The following NPL variants were observed in gnomAD, a reference collection of about 807,000 sequenced individuals.
NPL encodes the protein N-acetylneuraminate pyruvate lyase, also known as N-acetylneuraminate lyase.
Under a neutral mutation model 41.1 loss-of-function variants are expected in NPL, and 32 were observed. The observed-to-expected ratio is 0.78, with a 90% CI of 0.59 to 1.05. NPL has a LOEUF of 1.05. Ranked by LOEUF, NPL falls within the 50% of genes least tolerant of loss-of-function variation. The probability of loss-of-function intolerance (pLI) is 0.00; values close to 1 mark genes in which losing one functional copy is unlikely to be tolerated. For synonymous variants in NPL, 128 were observed against 134.9 expected (o/e 0.95, Z 0.35); for missense variants, 321 against 378.4 (o/e 0.85, Z 1.26).
At chr1:182,818,401 G>A in intron 8 of NPL, 140 bp from the exon 9 acceptor site, 1 of 1,008,624 alleles carries the variant, frequency 9.9e-7, no homozygotes. Context: ...CTGCTAGTCA[G>A]GGACCAGTGA....
At chr1:182,827,925 T>C (rs1557955555) in intron 12 of NPL, among the ~76,000 whole-genome samples, 1 of 152,226 alleles carries the variant, frequency 6.6e-6, no homozygotes, top group East Asian at 1.9e-4. Flanking sequence ...TAGGACACTG[T>C]AGTTCCACCA....
At chr1:182,813,944 T>C (rs1423440530) in intron 6 of NPL, among the ~76,000 whole-genome samples, 3 of 152,248 alleles carry the variant, frequency 2.0e-5, no homozygotes, top group Non-Finnish European at 4.4e-5. Flanking sequence ...ATCCCAGTCT[T>C]CTCCTTTTAA....
chr1:182,828,588 T>C lies in NPL; in HGVS notation c.779-136T>C, dbSNP rs1667690104. On this transcript the variant is annotated intron_variant, in intron 12 of 12. Transcript: ENST00000367553. This position sits in a 1 kb window ranked among gnomAD's most constrained non-coding sequence, Gnocchi z 4.0. ...ATGATTGCTCATCTGTCATATTGAC[T>C]AGAAATGTTCCCATCTTTTGTTTTA... 9.1e-7 allele frequency: 1 copy of C among 1,098,668 alleles called. No individual in the cohort carries two copies. Among genetic ancestry groups the C allele is most frequent in the Admixed American group, 2.0e-5 (1 of 48,980 alleles). 68.1% of individuals were successfully genotyped at this position (1,098,668 alleles called of 1,614,324 possible).
At chr1:182,801,774 T>A (rs186863670) in intron 3 of NPL, among the ~76,000 whole-genome samples, 12 of 152,162 alleles carry the variant, frequency 7.9e-5, no homozygotes, top group Non-Finnish European at 1.8e-4. Context: ...AGGTCAAGGC[T>A]TGCAGTGAGC....
intron 10 of NPL, among the ~76,000 whole-genome samples, chr1:182,820,168 A>G (rs1421247187): frequency 1.3e-5 from 2 of 152,244 alleles, no homozygotes; most frequent in Non-Finnish European, 2.9e-5. Context: ...GCAAGTGTCC[A>G]TGTCAGGTCC....
At chr1:182,799,084 G>A (rs1666759233) in intron 3 of NPL, among the ~76,000 whole-genome samples, 1 of 152,184 alleles carries the variant, frequency 6.6e-6, no homozygotes, top group East Asian at 1.9e-4. Context: ...CGTGCACCAG[G>A]AGAGGAAACA....
intron 3 of NPL, among the ~76,000 whole-genome samples, chr1:182,796,665 G>C (rs575958493): frequency 1.1e-4 from 17 of 152,284 alleles, no homozygotes; most frequent in Middle Eastern, 3.4e-3. Flanking sequence ...GTAGATCTTA[G>C]TGAAATGATG....
chr1:182,800,593 G>A (rs1266207995), intron 3 of NPL, among the ~76,000 whole-genome samples: 1 of 152,018 alleles, frequency 6.6e-6, no homozygotes, highest in Non-Finnish European at 1.5e-5. Flanking sequence ...CCCAGCCCAA[G>A]GCTGCAAACT....
intron 11 of NPL, among the ~76,000 whole-genome samples, chr1:182,825,036 C>T (rs537471459): frequency 9.9e-5 from 15 of 152,278 alleles, no homozygotes; most frequent in African/African-American, 3.6e-4. Context: ...TTTTTTGAGT[C>T]ATATGCCAAA....
At position 182,829,416 on chromosome 1, in the gene NPL, C is replaced by T; in HGVS notation, c.*508C>T. ...CAAAATACACCAGCTCATTTGGCTG[C>T]TCAGTCTAACTCTAGAATGGATGCT... On this transcript the variant is annotated 3_prime_UTR_variant, in exon 13 of 13. Coordinates refer to ENST00000367553, the MANE Select transcript of NPL (RefSeq NM_030769.3). 1.4e-6 allele frequency: 2 copies of T among 1,395,098 alleles called. No individual in the cohort carries two copies. Among genetic ancestry groups the T allele is most frequent in the Non-Finnish European group, 1.9e-6 (2 of 1,072,328 alleles). The allele number at this position is 1,395,098 out of a possible 1,614,324, so 86.4% of individuals were successfully genotyped here.
intron 7 of NPL, among the ~76,000 whole-genome samples, chr1:182,815,316 T>G (rs1331825945): frequency 2.6e-5 from 4 of 152,220 alleles, no homozygotes; most frequent in Admixed American, 2.6e-4. Flanking sequence ...AAGTATTGCT[T>G]TCTCTTTCTC....
Position 182,816,777 on chromosome 1 carries a change from A to G in NPL, c.428A>G (p.Tyr143Cys). ...AAAPALPFYY[Y>C]HIPALTGVKI... ...GCCCCTGCCCTGCCATTTTATTACT[A>G]TCACATTCCTGCCTTGACAGGGGTA... Residue 143 changes from tyrosine to cysteine, a missense_variant, in exon 8 of 13, where the codon TAT (tyrosine) becomes TGT (cysteine). Physicochemically the swap from Tyr to Cys is radical, Grantham distance 194. Transcript: ENST00000367553. 6.2e-7 allele frequency: 1 copy of G among 1,613,590 alleles called. No homozygotes were observed.
At chr1:182,807,673 G>A (rs1386703071) in intron 5 of NPL, among the ~76,000 whole-genome samples, 39 of 144,474 alleles carry the variant, frequency 2.7e-4, no homozygotes, top group African/African-American at 9.9e-4. Context: ...TCAGGAGATC[G>A]AGACCATCCT....
rs59582125 is a variant in NPL, at chr1:182,797,034, C to CAAAAAAAAAAAAA, written c.68+2600_68+2612dup. 4.8e-4 allele frequency among the ~76,000 whole-genome samples: 46 copies of CAAAAAAAAAAAAA among 96,012 alleles called. 1 individual carries two copies. Among genetic ancestry groups the CAAAAAAAAAAAAA allele is most frequent in the African/African-American group, 1.6e-3 (44 of 28,040 alleles). The allele number at this position is 96,012 out of a possible 152,430, so 63.0% of individuals were successfully genotyped here. On this transcript the variant is annotated intron_variant, in intron 3 of 12. Coordinates refer to ENST00000367553, the MANE Select transcript of NPL (RefSeq NM_030769.3). ...TGGGCAACAGAGTGAGAATATGTCT[C>CAAAAAAAAAAAAA]AAAAAAAAAAAAAAAAAGCTCTTTC...
rs1375548988 is a variant in NPL, at chr1:182,828,552, AG to A, written c.779-169del. On this transcript the variant is annotated intron_variant, in intron 12 of 12. Transcript: ENST00000367553. This position sits in a 1 kb window ranked among gnomAD's most constrained non-coding sequence, Gnocchi z 4.0. ...AGCGTTCTGTGTTTGAAGCAGGAAG[AG>A]GGATTTCGAATGATTGCTCATCTGT... Among the ~76,000 whole-genome samples, 1 of 152,196 alleles carries A rather than the reference AG, an allele frequency of 6.6e-6. No homozygotes were observed. The highest frequency in any genetic ancestry group is 2.4e-5 in the African/African-American group (1 of 41,466).
chr1:182,816,578 A>G, intron 7 of NPL, 136 bp from the exon 8 acceptor site: 2 of 694,326 alleles, frequency 2.9e-6, no homozygotes, highest in South Asian at 3.0e-5. Flanking sequence ...TAGCAGTAGC[A>G]GGGATAGTAA....
intron 8 of NPL, 44 bp from the exon 9 acceptor site, chr1:182,818,497 C>T: frequency 6.2e-7 from 1 of 1,609,672 alleles, no homozygotes; most frequent in Non-Finnish European, 8.5e-7. Flanking sequence ...GATGTTATTT[C>T]CTAGAGATGT....
At chr1:182,801,077 T>A (rs1233055924) in intron 3 of NPL, among the ~76,000 whole-genome samples, 1 of 152,098 alleles carries the variant, frequency 6.6e-6, no homozygotes, top group East Asian at 1.9e-4. Context: ...CTCATTTTTT[T>A]AAAGAAAAAA....
chr1:182,825,536 A>G (rs1420584601), intron 11 of NPL, among the ~76,000 whole-genome samples: 1 of 152,170 alleles, frequency 6.6e-6, no homozygotes, highest in Admixed American at 6.5e-5. Context: ...CTCTTGTAGA[A>G]TTCCATCATT....
Sources: gnomAD v4.1 joint callset for allele counts (sites outside exome capture counted in the v4.1 genomes callset) on GRCh38, gnomAD v4.1.1 for gene constraint, Gnocchi (gnomAD v3.1) non-coding constraint, MANE v1.5 for transcripts, NCBI Gene and HGNC (gene_info 2026-07-23, HGNC 2026-07-21) for gene names.